Variants in FRMPD2 observed in about 807,000 individuals in gnomAD.
FRMPD2 encodes FERM and PDZ domain-containing protein 2.
A neutral mutation model predicts 140.1 loss-of-function variants in FRMPD2; 96 were observed. That is an observed-to-expected ratio of 0.69 (90% CI 0.58 to 0.81). The LOEUF is 0.81. Among genes scored for constraint, FRMPD2 ranks in the 40% least tolerant of loss-of-function variants. The pLI is 0.00. For synonymous variants in FRMPD2, 449 were observed against 547.6 expected (o/e 0.82, Z 2.52); for missense variants, 1,240 against 1,447.4 (o/e 0.86, Z 2.32).
At chr10:48,203,713 CTT>C (rs1839139640) in intron 14 of FRMPD2, among the ~76,000 whole-genome samples, 1 of 152,030 alleles carries the variant, frequency 6.6e-6, no homozygotes, top group African/African-American at 2.4e-5. Context: ...GCAGGGGAGA[CTT>C]GTCATGAAAC....
chr10:48,257,471 G>A (rs1840511231), intron 1 of FRMPD2, among the ~76,000 whole-genome samples: 1 of 151,830 alleles, frequency 6.6e-6, no homozygotes, highest in Admixed American at 6.6e-5. Flanking sequence ...GTAGAGATGG[G>A]GTTTCGCCAT....
At chr10:48,246,493 A>T (rs1564438785) in intron 3 of FRMPD2, among the ~76,000 whole-genome samples, 1 of 152,260 alleles carries the variant, frequency 6.6e-6, no homozygotes, top group Non-Finnish European at 1.5e-5. Flanking sequence ...GTGGGAAAGA[A>T]CACCATGTTT....
intron 10 of FRMPD2, among the ~76,000 whole-genome samples, chr10:48,229,863 T>G: frequency 6.6e-6 from 1 of 152,168 alleles, no homozygotes; most frequent in East Asian, 1.9e-4. Flanking sequence ...AAATTGCTTT[T>G]TCTTCAAGGA....
chr10:48,274,572 A>C lies in FRMPD2; in HGVS notation c.-5T>G. 5.0e-6 allele frequency: 8 copies of C among 1,614,086 alleles called. No homozygotes were observed. Among genetic ancestry groups the C allele is most frequent in the Non-Finnish European group, 6.8e-6 (8 of 1,179,938 alleles). On this transcript the variant is annotated 5_prime_UTR_variant, in exon 1 of 29. Transcript: ENST00000374201. ...GTCCTTCGTTAAAGGCTGCATCCAA[A>C]AGTCTCCGTGACCAGGTCTAGGCCT...
At chr10:48,185,454 A>G in intron 18 of FRMPD2, 99 bp downstream of exon 18, 1 of 795,680 alleles carries the variant, frequency 1.3e-6, no homozygotes, top group Non-Finnish European at 2.2e-6. Context: ...GAGGAGGGAT[A>G]GGAAAGGGGA....
chr10:48,213,270 T>C (rs1839372871), intron 12 of FRMPD2, among the ~76,000 whole-genome samples: 1 of 152,240 alleles, frequency 6.6e-6, no homozygotes, highest in African/African-American at 2.4e-5. Flanking sequence ...AGCAGGCTAG[T>C]GCATAAAAAA....
chr10:48,251,822 C>G, intron 1 of FRMPD2, 131 bp from the exon 2 acceptor site: 1 of 1,004,024 alleles, frequency 1.0e-6, no homozygotes, highest in Non-Finnish European at 1.5e-6. Context: ...TTTTCAGCAC[C>G]TGGGTCCCTG....
At chr10:48,213,421 G>A (rs1196729984) in intron 12 of FRMPD2, among the ~76,000 whole-genome samples, 1 of 152,222 alleles carries the variant, frequency 6.6e-6, no homozygotes, top group Non-Finnish European at 1.5e-5. Context: ...CAGTTTGGTT[G>A]TTTTTCATAA....
intron 13 of FRMPD2, among the ~76,000 whole-genome samples, chr10:48,210,290 A>C (rs141369520): frequency 2.6e-5 from 4 of 152,218 alleles, no homozygotes; most frequent in African/African-American, 9.6e-5. Flanking sequence ...CAAAAGCAAG[A>C]GTGCTCCTTG....
At chr10:48,219,887 A>G (rs1839541028) in intron 12 of FRMPD2, among the ~76,000 whole-genome samples, 1 of 152,184 alleles carries the variant, frequency 6.6e-6, no homozygotes, top group African/African-American at 2.4e-5. Context: ...TGTATCCCAG[A>G]AAAATCAGTA....
intron 1 of FRMPD2, among the ~76,000 whole-genome samples, chr10:48,259,147 G>A (rs559972827): frequency 3.5e-4 from 54 of 152,280 alleles, no homozygotes; most frequent in African/African-American, 1.1e-3. Context: ...TAATGTGACC[G>A]CAGTGTGTAT....
intron 16 of FRMPD2, among the ~76,000 whole-genome samples, chr10:48,188,730 C>T (rs1838755375): frequency 6.6e-6 from 1 of 152,196 alleles, no homozygotes; most frequent in African/African-American, 2.4e-5. Flanking sequence ...CTTCAGGTGG[C>T]CTTTACGGAA....
chr10:48,235,749 G>A (rs908977660), intron 9 of FRMPD2, among the ~76,000 whole-genome samples: 2 of 152,216 alleles, frequency 1.3e-5, no homozygotes, highest in South Asian at 2.1e-4. Context: ...AGAAGCTCTC[G>A]GCCCCAACTG....
intron 16 of FRMPD2, among the ~76,000 whole-genome samples, chr10:48,187,819 C>T (rs1838725024): frequency 6.6e-6 from 1 of 152,198 alleles, no homozygotes; most frequent in Non-Finnish European, 1.5e-5. Context: ...CCTGCTTGAT[C>T]ATTGTACATG....
At chr10:48,261,245 A>G (rs1840584147) in intron 1 of FRMPD2, among the ~76,000 whole-genome samples, 1 of 152,170 alleles carries the variant, frequency 6.6e-6, no homozygotes, top group Admixed American at 6.5e-5. Flanking sequence ...ATGGCTGAGA[A>G]TATTTCAAAA....
At chr10:48,198,486 G>C (rs1306471303) in intron 15 of FRMPD2, among the ~76,000 whole-genome samples, 1 of 152,122 alleles carries the variant, frequency 6.6e-6, no homozygotes, top group Non-Finnish European at 1.5e-5. Context: ...ACCTGAAAGA[G>C]CCAGTCCCTC....
chr10:48,190,669 G>T (rs557676255), intron 16 of FRMPD2, among the ~76,000 whole-genome samples: 1 of 152,192 alleles, frequency 6.6e-6, no homozygotes, highest in African/African-American at 2.4e-5. Flanking sequence ...TTTCACCCAC[G>T]GGTTACTGGT....
chr10:48,231,588 G>T (rs1182109193), intron 10 of FRMPD2, among the ~76,000 whole-genome samples: 3 of 152,200 alleles, frequency 2.0e-5, no homozygotes, highest in African/African-American at 7.2e-5. Flanking sequence ...ATGGCATGTG[G>T]ATCCTAGATT....
At chr10:48,259,754 A>G (rs1387647445) in intron 1 of FRMPD2, among the ~76,000 whole-genome samples, 2 of 152,068 alleles carry the variant, frequency 1.3e-5, no homozygotes, top group African/African-American at 2.4e-5. Flanking sequence ...AGACTTATAG[A>G]GCAAGTACAT....
Sources: allele counts gnomAD v4.1 joint callset (sites outside exome capture counted in the v4.1 genomes callset), GRCh38; gene constraint gnomAD v4.1.1; transcripts MANE v1.5; gene names NCBI Gene and HGNC (gene_info 2026-07-23, HGNC 2026-07-21).